CPNE2: variants seen among roughly 807,000 people sequenced by gnomAD.
CPNE2 encodes copine 2.
Under a neutral mutation model 69.7 loss-of-function variants are expected in CPNE2, and 42 were observed. That is an observed-to-expected ratio of 0.60 (90% CI 0.47 to 0.78). The LOEUF (loss-of-function observed/expected upper bound fraction) is 0.78, where lower values mean the gene tolerates loss of function less well. CPNE2 is among the 30% of genes least tolerant of loss of function. CPNE2 has a pLI of 0.00. For synonymous variants in CPNE2, 294 were observed against 289.8 expected (o/e 1.01, Z -0.15); for missense variants, 587 against 732.0 (o/e 0.80, Z 2.29).
chr16:57,135,272 C>A (rs1056821879), intron 13 of CPNE2, among the ~76,000 whole-genome samples: 2 of 134,302 alleles, frequency 1.5e-5, no homozygotes, highest in African/African-American at 5.5e-5. Context: ...GAGTACTTGG[C>A]GGGGGATCAG....
intron 15 of CPNE2, 74 bp from the exon 16 acceptor site, chr16:57,147,475 CAT>C: frequency 9.1e-7 from 1 of 1,097,010 alleles, no homozygotes; most frequent in South Asian, 1.7e-5. Context: ...GCCCTCTGGG[CAT>C]AGTGCCGCTC....
chr16:57,120,236 A>C (rs1046854067), intron 7 of CPNE2, among the ~76,000 whole-genome samples: 5 of 149,730 alleles, frequency 3.3e-5, no homozygotes, highest in Non-Finnish European at 5.9e-5. Context: ...GAGCCACTGC[A>C]CTCCAGCATG....
At chr16:57,113,649 G>A (rs572241223) in intron 3 of CPNE2, among the ~76,000 whole-genome samples, 182 bp downstream of exon 3, 1 of 152,382 alleles carries the variant, frequency 6.6e-6, no homozygotes, top group South Asian at 2.1e-4. Context: ...ATCTGGAGAG[G>A]CAGCCAAACA....
At chr16:57,126,896 T>A (rs1597500582) in intron 11 of CPNE2, among the ~76,000 whole-genome samples, 1 of 152,230 alleles carries the variant, frequency 6.6e-6, no homozygotes, top group Non-Finnish European at 1.5e-5. Context: ...GAGCTCTAGA[T>A]GCCTGGCTGA....
intron 1 of CPNE2, among the ~76,000 whole-genome samples, chr16:57,105,892 G>T (rs1400122965): frequency 1.3e-5 from 2 of 152,116 alleles, no homozygotes; most frequent in African/African-American, 4.8e-5. Flanking sequence ...TATGGGGTGG[G>T]GGCTGCCCCA....
At chr16:57,135,088 G>A (rs1179973002) in intron 13 of CPNE2, among the ~76,000 whole-genome samples, 1 of 152,136 alleles carries the variant, frequency 6.6e-6, no homozygotes, top group African/African-American at 2.4e-5. Flanking sequence ...ACCTGCTCCA[G>A]GATAACTATG....
In CPNE2 at chr16:57,146,195, C is replaced by T. The variant is rs746369980; in HGVS notation, c.1413C>T (p.Gly471=). 1.5e-5 allele frequency: 23 copies of T among 1,573,414 alleles called. No individual in the cohort carries two copies. The highest frequency in any genetic ancestry group is 4.7e-5 in the East Asian group (2 of 42,754). The change falls in exon 15 of 16, where the codon GGC becomes GGT. Residue 471 remains glycine, a synonymous_variant. Coordinates refer to ENST00000290776, the MANE Select transcript of CPNE2 (RefSeq NM_152727.6). The surrounding 1 kb of genome is among the most constrained non-coding windows in gnomAD (Gnocchi z 4.4). ...TGCCCATGTCCATCATCATCGTGGG[C>T]GTGGGCAATGCGGACTTCGCTGCCA... The part of the protein sequence containing the change: ...SKLPMSIIIV[G]VGNADFAAME...
At chr16:57,139,096 T>A (rs2399620) in intron 14 of CPNE2, among the ~76,000 whole-genome samples, 137,805 of 152,152 alleles carry the variant, frequency 0.91, 62,572 homozygotes, top group Middle Eastern at 0.98. Context: ...TTTTATTATT[T>A]CTCAAATCAG....
intron 1 of CPNE2, among the ~76,000 whole-genome samples, chr16:57,093,780 G>C (rs540029310): frequency 2.0e-5 from 3 of 152,222 alleles, no homozygotes; most frequent in African/African-American, 7.2e-5. Context: ...GTCATCAAAG[G>C]TTGGGGGGCT....
At chr16:57,094,128 A>T (rs1394070315) in intron 1 of CPNE2, 1 of 455,950 alleles carries the variant, frequency 2.2e-6, no homozygotes, top group East Asian at 7.0e-5. Context: ...CTGGATTGGA[A>T]GGGGTCACCC....
rs771489237 is a variant in CPNE2 at position 57,110,809 on chromosome 16, G to C, written c.67G>C (p.Val23Leu). The change falls in exon 2 of 16, where the codon GTG (valine) becomes CTG (leucine). Residue 23 changes from valine to leucine, a missense_variant. Transcript: ENST00000290776. ...GAAPMGPQYC[V>L]CKVELSVSGQ... ...AGCCCCCATGGGCCCCCAGTATTGC[G>C]TGTGCAAGGTGGAGCTGTCAGTGAG... is the stretch of plus-strand genomic sequence containing the variant. 13 of 1,613,852 alleles carry C rather than the reference G, an allele frequency of 8.1e-6. No individual in the cohort carries two copies. Among genetic ancestry groups the C allele is most frequent in the Non-Finnish European group, 1.1e-5 (13 of 1,179,930 alleles).
chr16:57,132,410 G>T (rs573133968), intron 12 of CPNE2, among the ~76,000 whole-genome samples: 13 of 152,288 alleles, frequency 8.5e-5, no homozygotes, highest in Non-Finnish European at 1.3e-4. Flanking sequence ...TGCAGGTGGG[G>T]AAACTGAGGC....
chr16:57,146,121 A>G lies in CPNE2; in HGVS notation c.1339A>G (p.Ile447Val), dbSNP rs201797271. Reference sequence around the variant, plus strand: ...CCTCCTCATCATCACGGACGGGGTCATCAGTGACATGGAGGAGACACGGCA... The same window carrying G: ...CCTCCTCATCATCACGGACGGGGTCGTCAGTGACATGGAGGAGACACGGCA... ...FILLIITDGVISDMEETRHAV... is the reference protein window; with the variant it reads ...FILLIITDGVVSDMEETRHAV... Residue 447 changes from isoleucine to valine, a missense_variant, in exon 15 of 16, where the codon ATC becomes GTC. Physicochemically the swap from Ile to Val is conservative, Grantham distance 29 (BLOSUM62 3). Coordinates refer to ENST00000290776, the MANE Select transcript of CPNE2 (RefSeq NM_152727.6). This position sits in a 1 kb window ranked among gnomAD's most constrained non-coding sequence, Gnocchi z 4.4. 1.6e-5 allele frequency: 25 copies of G among 1,601,228 alleles called. No homozygotes were observed. Among genetic ancestry groups the G allele is most frequent in the Non-Finnish European group, 2.1e-5 (25 of 1,173,476 alleles).
intron 1 of CPNE2, among the ~76,000 whole-genome samples, chr16:57,107,165 A>G (rs2069653310): frequency 6.6e-6 from 1 of 152,078 alleles, no homozygotes; most frequent in African/African-American, 2.4e-5. Flanking sequence ...CCCCACCCCA[A>G]CTTGGCACAG....
chr16:57,128,892 T>A (rs2069818897), intron 12 of CPNE2, among the ~76,000 whole-genome samples: 1 of 152,188 alleles, frequency 6.6e-6, no homozygotes, highest in Non-Finnish European at 1.5e-5. Flanking sequence ...ATAGTGGGCA[T>A]CCTGTATTCT....
In CPNE2 at chr16:57,130,061, AAC is replaced by A. The variant is rs2069826522; in HGVS notation, c.1116+2162_1116+2163del. Among the ~76,000 whole-genome samples, 1 of 152,152 alleles carries A rather than the reference AAC, an allele frequency of 6.6e-6. No homozygotes were observed. The highest frequency in any genetic ancestry group is 2.1e-4 in the South Asian group (1 of 4,820). On this transcript the variant is annotated intron_variant, in intron 12 of 15. Coordinates refer to ENST00000290776, the MANE Select transcript of CPNE2 (RefSeq NM_152727.6). This position sits in a 1 kb window ranked among gnomAD's most constrained non-coding sequence, Gnocchi z 4.1. ...CCAGGAGTTCAAGACCAGTCTGGGC[AAC>A]ACAGTGAGACCCTGGCTTTACAAAA...
At chr16:57,126,650 G>A (rs1371410599) in intron 11 of CPNE2, among the ~76,000 whole-genome samples, 1 of 152,196 alleles carries the variant, frequency 6.6e-6, no homozygotes, top group Admixed American at 6.5e-5. Flanking sequence ...CTGACACATT[G>A]GGAACAGGGG....
At position 57,148,182 on chromosome 16, in the gene CPNE2, A is replaced by T. The variant is rs2069974150; in HGVS notation, c.*524A>T. 6.6e-6 allele frequency: 1 copy of T among 152,238 alleles called. No individual in the cohort carries two copies. Among genetic ancestry groups the T allele is most frequent in the South Asian group, 2.1e-4 (1 of 4,828 alleles). The allele number at this position is 152,238 out of a possible 1,614,324, so 9.4% of individuals were successfully genotyped here. Reference sequence around the variant, plus strand: ...CCTGACGGGCTCACTGATCTAAGAAAGGAAATGGAAAATGAAAATCCACCC... The same window carrying T: ...CCTGACGGGCTCACTGATCTAAGAATGGAAATGGAAAATGAAAATCCACCC... On this transcript the variant is annotated 3_prime_UTR_variant, in exon 16 of 16. Coordinates refer to ENST00000290776, the MANE Select transcript of CPNE2 (RefSeq NM_152727.6).
intron 10 of CPNE2, chr16:57,124,168 A>T (rs1466472966): frequency 3.5e-6 from 1 of 288,958 alleles, no homozygotes; most frequent in African/African-American, 2.3e-5. Context: ...TGCAGCCTCC[A>T]CCTTCAGCTC....
Sources: gnomAD v4.1 joint callset for allele counts (sites outside exome capture counted in the v4.1 genomes callset) on GRCh38, gnomAD v4.1.1 for gene constraint, Gnocchi (gnomAD v3.1) non-coding constraint, MANE v1.5 for transcripts, NCBI Gene and HGNC (gene_info 2026-07-23, HGNC 2026-07-21) for gene names.